Variants in ERMP1 observed in about 807,000 individuals in gnomAD.
The protein encoded by ERMP1 is Felix-ina.
A neutral mutation model predicts 92.0 loss-of-function variants in ERMP1; 86 were observed. That is an observed-to-expected ratio of 0.93 (90% confidence interval 0.79 to 1.12). The LOEUF (loss-of-function observed/expected upper bound fraction) is 1.12, where lower values mean the gene tolerates loss of function less well. Among genes scored for constraint, ERMP1 ranks in the 50% most tolerant of loss-of-function variants. The pLI is 0.00. For synonymous variants in ERMP1, 530 were observed against 412.8 expected (o/e 1.28, Z -3.44); for missense variants, 1,342 against 1,116.3 (o/e 1.20, Z -2.88).
intron 6 of ERMP1, among the ~76,000 whole-genome samples, chr9:5,846,148 T>C (rs1427215435): frequency 1.3e-5 from 2 of 152,118 alleles, no homozygotes; most frequent in East Asian, 1.9e-4. Context: ...TGAAGCAAGA[T>C]GGTAAATATT....
At chr9:5,816,814 A>T (rs1829325268) in intron 4 of ERMP1, among the ~76,000 whole-genome samples, 1 of 151,938 alleles carries the variant, frequency 6.6e-6, no homozygotes, top group South Asian at 2.1e-4. Context: ...TGGTCACATG[A>T]CCTGTCCAAG....
intron 11 of ERMP1, 91 bp from the exon 12 acceptor site, chr9:5,799,099 G>C: frequency 1.2e-6 from 1 of 818,530 alleles, no homozygotes; most frequent in Non-Finnish European, 2.0e-6. Flanking sequence ...ACAATACCAA[G>C]AAATGATGTG....
At chr9:5,807,824 A>C (rs1170142459) in intron 8 of ERMP1, among the ~76,000 whole-genome samples, 1 of 151,986 alleles carries the variant, frequency 6.6e-6, no homozygotes, top group Non-Finnish European at 1.5e-5. Context: ...AGCAAAATTC[A>C]TCTCGCCTCC....
At chr9:5,794,106 T>C (rs762484746) in intron 13 of ERMP1, among the ~76,000 whole-genome samples, 3 of 151,912 alleles carry the variant, frequency 2.0e-5, no homozygotes, top group Non-Finnish European at 4.4e-5. Flanking sequence ...CAGACCACAA[T>C]GAAATTAAAC....
At chr9:5,795,488 T>TA (rs751178912) in intron 13 of ERMP1, among the ~76,000 whole-genome samples, 26 of 152,282 alleles carry the variant, frequency 1.7e-4, no homozygotes, top group Non-Finnish European at 3.5e-4. Context: ...CATAGAATCT[T>TA]AAAAGAATAG....
At chr9:5,819,704 G>A (rs1359644993) in intron 4 of ERMP1, among the ~76,000 whole-genome samples, 1 of 152,002 alleles carries the variant, frequency 6.6e-6, no homozygotes, top group Non-Finnish European at 1.5e-5. Context: ...TCTTCTTTGA[G>A]AGTCTCCCTC....
upstream of ERMP1, among the ~76,000 whole-genome samples, chr9:5,837,940 T>C (rs189334188): frequency 6.6e-6 from 1 of 151,804 alleles, no homozygotes; most frequent in East Asian, 2.0e-4. Context: ...CCATCTCTAC[T>C]AAAAATATTA....
chr9:5,850,239 TACGA>T (rs761007818), intron 6 of ERMP1, among the ~76,000 whole-genome samples: 6 of 151,502 alleles, frequency 4.0e-5, no homozygotes, highest in Non-Finnish European at 7.4e-5. Flanking sequence ...AACCCATCTC[TACGA>T]AAAATACAAA....
At chr9:5,853,228 G>A (rs972491249) in intron 6 of ERMP1, among the ~76,000 whole-genome samples, 11 of 152,182 alleles carry the variant, frequency 7.2e-5, no homozygotes, top group Non-Finnish European at 1.6e-4. Context: ...GGAAATTTAT[G>A]CCACCTTCAC....
At chr9:5,787,654 A>G (rs975714420) in intron 13 of ERMP1, 61 bp from the exon 14 acceptor site, 3 of 1,517,514 alleles carry the variant, frequency 2.0e-6, no homozygotes, top group Non-Finnish European at 2.7e-6. Context: ...AAAATAACCC[A>G]CAATCCAAAC....
intron 6 of ERMP1, among the ~76,000 whole-genome samples, chr9:5,853,869 A>C (rs1830339885): frequency 6.6e-6 from 1 of 151,202 alleles, no homozygotes; most frequent in Admixed American, 6.6e-5. Context: ...AGACACCCTG[A>C]GTAGCACTGC....
At chr9:5,798,310 G>A (rs1394048010) in intron 12 of ERMP1, among the ~76,000 whole-genome samples, 5 of 151,902 alleles carry the variant, frequency 3.3e-5, no homozygotes, top group Admixed American at 6.6e-5. Context: ...TCCACCTCCC[G>A]GGTTCAAGCA....
Position 5,808,043 on chromosome 9 carries a change from T to G in ERMP1, c.1548+1968A>C, listed in dbSNP as rs533553372. ...CTCACTTATATTGCCCAGGCTGGTC[T>G]CAAACTCCTGGCCTCAAGCAGTCTT... is the stretch of plus-strand genomic sequence containing the variant. On this transcript the variant is annotated intron_variant, in intron 8 of 14. Coordinates refer to ENST00000339450, the MANE Select transcript of ERMP1 (RefSeq NM_024896.3). Among the ~76,000 whole-genome samples the G allele has an allele frequency of 6.5e-4, 99 of 152,280 alleles. 2 individuals carry two copies. The highest frequency in any genetic ancestry group is 1.0e-3 in the South Asian group (5 of 4,828).
chr9:5,856,279 CTGTTTATTGTTTTGCCA>C (rs1458253209), intron 6 of ERMP1: 6 of 269,252 alleles, frequency 2.2e-5, no homozygotes, highest in Admixed American at 5.2e-5. Context: ...AGACTGTTCT[CTGTTTATTGTTTTGCCA>C]TGTCAGTAAC....
chr9:5,817,485 C>T (rs556633760), intron 4 of ERMP1, among the ~76,000 whole-genome samples: 33 of 152,236 alleles, frequency 2.2e-4, no homozygotes, highest in Non-Finnish European at 4.6e-4. Flanking sequence ...CCACCACACC[C>T]GGCCAGAGCC....
Position 5,785,587 on chromosome 9 carries a change from C to CA in ERMP1, c.*1556dup, listed in dbSNP as rs1438944967. The CA allele has an allele frequency of 2.0e-5, 3 of 152,520 alleles. No homozygotes were observed. The highest frequency in any genetic ancestry group is 7.2e-5 in the African/African-American group (3 of 41,422). 9.4% of individuals were successfully genotyped at this position (152,520 alleles called of 1,614,324 possible). A position where few individuals can be genotyped will look rare whatever the true frequency, so the allele number is the denominator to read the frequency against. On this transcript the variant is annotated 3_prime_UTR_variant, in exon 15 of 15. Coordinates refer to ENST00000339450, the MANE Select transcript of ERMP1 (RefSeq NM_024896.3). The stretch of plus-strand genomic sequence containing the variant: ...TGGGCCCAGTTAGTTTTTAGGGAGT[C>CA]ACAGATTAGGCAGGCAACGAGGGGC...
chr9:5,848,106 C>T (rs1830261577), intron 6 of ERMP1, among the ~76,000 whole-genome samples: 1 of 152,046 alleles, frequency 6.6e-6, no homozygotes, highest in South Asian at 2.1e-4. Flanking sequence ...AAAAACAGCC[C>T]CCTCAAGATG....
intron 4 of ERMP1, among the ~76,000 whole-genome samples, chr9:5,823,252 G>C (rs1188079870): frequency 5.3e-5 from 8 of 152,024 alleles, no homozygotes; most frequent in Non-Finnish European, 1.0e-4. Context: ...ACTCGAGCCT[G>C]GGTGACAGAG....
chr9:5,805,806 C>A (rs1490880099), intron 8 of ERMP1, 21 bp from the exon 9 acceptor site: 1 of 1,567,814 alleles, frequency 6.4e-7, no homozygotes, highest in Non-Finnish European at 8.6e-7. Flanking sequence ...GAAAAATATA[C>A]AAGTAGTCTC....
Sources: allele counts gnomAD v4.1 joint callset (sites outside exome capture counted in the v4.1 genomes callset), GRCh38; gene constraint gnomAD v4.1.1; transcripts MANE v1.5; gene names NCBI Gene and HGNC (gene_info 2026-07-23, HGNC 2026-07-21).